Variants in EP400 observed in about 807,000 individuals in gnomAD.
EP400 encodes the protein E1A binding protein p400, also known as E1A-binding protein p400.
Under a neutral mutation model 354.1 loss-of-function variants are expected in EP400, and 105 were observed. The observed-to-expected ratio is 0.30, with a 90% confidence interval of 0.25 to 0.35. The LOEUF is 0.35. Among genes scored for constraint, EP400 ranks in the 10% least tolerant of loss-of-function variants. EP400 has a pLI of 1.00. For missense variants in EP400, 3,280 were observed against 4,121.0 expected (o/e 0.80, Z 5.59); for synonymous variants, 1,646 against 1,716.9 (o/e 0.96, Z 1.02).
intron 1 of EP400, among the ~76,000 whole-genome samples, 196 bp downstream of exon 1, chr12:131,950,232 C>T (rs1891414781): frequency 6.6e-6 from 1 of 152,006 alleles, no homozygotes; most frequent in Non-Finnish European, 1.5e-5. Flanking sequence ...GGCTCACGGG[C>T]CCGGGTCTTT....
At chr12:131,950,239 C>T (rs1224868511) in intron 1 of EP400, among the ~76,000 whole-genome samples, 3 of 151,994 alleles carry the variant, frequency 2.0e-5, no homozygotes, top group East Asian at 3.9e-4. Flanking sequence ...GGGCCCGGGT[C>T]TTTCGAGTCG....
At chr12:132,071,642 G>GT (rs1158070826) in intron 51 of EP400, among the ~76,000 whole-genome samples, 1 of 151,994 alleles carries the variant, frequency 6.6e-6, no homozygotes, top group African/African-American at 2.4e-5. Flanking sequence ...TTTGCCATCC[G>GT]TCCCCCAGGA....
intron 30 of EP400, among the ~76,000 whole-genome samples, chr12:132,036,375 G>A (rs549476171): frequency 1.4e-5 from 2 of 146,140 alleles, no homozygotes; most frequent in Non-Finnish European, 3.0e-5. Context: ...ATCGTGGAAG[G>A]ACACACCCGG....
intron 30 of EP400, among the ~76,000 whole-genome samples, chr12:132,035,261 G>A (rs970331815): frequency 1.3e-5 from 2 of 152,162 alleles, no homozygotes; most frequent in Admixed American, 1.3e-4. Context: ...ACTAGAAAAG[G>A]GGACGTCCTC....
chr12:132,009,221 C>T (rs1310694298), intron 15 of EP400, among the ~76,000 whole-genome samples: 3 of 151,872 alleles, frequency 2.0e-5, no homozygotes, highest in Non-Finnish European at 2.9e-5. Flanking sequence ...CATGAGCCAT[C>T]GTGCCCAGCC....
At chr12:132,006,432 A>G (rs891102284) in intron 14 of EP400, 130 bp downstream of exon 14, 64 of 1,158,362 alleles carry the variant, frequency 5.5e-5, no homozygotes, top group Non-Finnish European at 7.2e-5. Context: ...AGAAAAAGCA[A>G]TTCTTCATGT....
intron 45 of EP400, among the ~76,000 whole-genome samples, chr12:132,059,869 A>T (rs983719520): frequency 3.0e-4 from 46 of 152,046 alleles, no homozygotes; most frequent in Admixed American, 1.0e-3. Context: ...ACAAAAAAAA[A>T]AAAATCAGCC....
In EP400 at chr12:132,066,902, A is replaced by C. The variant is rs1895910700; in HGVS notation, c.8682A>C (p.Gly2894=). Reference sequence around the variant, plus strand: ...CGGCAGCTGTGGTCTCCTCACCGGGAGTCACCACCCTGCCCATGAACGTCG... The same window carrying C: ...CGGCAGCTGTGGTCTCCTCACCGGGCGTCACCACCCTGCCCATGAACGTCG... ...SVPAAVVSSP[G]VTTLPMNVAG... Residue 2894 remains glycine (G), a synonymous_variant, in exon 49 of 53, where the codon GGA becomes GGC. Transcript: ENST00000389561. The C allele has an allele frequency of 6.2e-7, 1 of 1,612,670 alleles. No individual in the cohort carries two copies. The highest frequency in any genetic ancestry group is 1.7e-5 in the Admixed American group (1 of 59,730).
chr12:132,065,009 C>T (rs1895843568), intron 48 of EP400, 123 bp downstream of exon 48: 2 of 1,456,136 alleles, frequency 1.4e-6, no homozygotes, highest in African/African-American at 2.8e-5. Flanking sequence ...GTTCTTTTCC[C>T]CGAGAACTTA....
At position 132,078,000 on chromosome 12, in the gene EP400, T is replaced by G. The variant is rs1896288154; in HGVS notation, c.*327T>G. On this transcript the variant is annotated 3_prime_UTR_variant, in exon 53 of 53. Transcript: ENST00000389561. ...TTCTGAAAGCCATTTAGAATTTCTTTGTGAGCATGTAGTGCTTTGCACGCC... is the reference window on the plus strand; with the variant it reads ...TTCTGAAAGCCATTTAGAATTTCTTGGTGAGCATGTAGTGCTTTGCACGCC... 1 of 302,606 alleles carries G rather than the reference T, an allele frequency of 3.3e-6. No homozygotes were observed. The highest frequency in any genetic ancestry group is 6.2e-6 in the Non-Finnish European group (1 of 161,664). The allele number at this position is 302,606 out of a possible 1,614,324, so 18.7% of individuals were successfully genotyped here. A position where few individuals can be genotyped will look rare whatever the true frequency, so the allele number is the denominator to read the frequency against.
chr12:132,055,470 G>C (rs1205241091), intron 45 of EP400, among the ~76,000 whole-genome samples: 1 of 145,042 alleles, frequency 6.9e-6, no homozygotes, highest in Non-Finnish European at 1.5e-5. Flanking sequence ...GTGTGTGTGT[G>C]TGTGAGGTGT....
chr12:132,030,686 T>G lies in EP400; in HGVS notation c.5754+528T>G, dbSNP rs185047693. Among the ~76,000 whole-genome samples the G allele has an allele frequency of 8.5e-5, 13 of 152,362 alleles. No homozygotes were observed. The South Asian group carries it at 1.2e-3, about 15-fold the overall frequency. Reference sequence around the variant, plus strand: ...TAATTCTGTATTTAGGACCCTTTACTTACATGACAACAAACACACCACTTA... The same window carrying G: ...TAATTCTGTATTTAGGACCCTTTACGTACATGACAACAAACACACCACTTA... On this transcript the variant is annotated intron_variant, in intron 29 of 52. Coordinates refer to ENST00000389561, the MANE Select transcript of EP400 (RefSeq NM_015409.5).
At chr12:132,012,028 C>T (rs1430577876) in intron 16 of EP400, among the ~76,000 whole-genome samples, 1 of 152,216 alleles carries the variant, frequency 6.6e-6, no homozygotes, top group Non-Finnish European at 1.5e-5. Flanking sequence ...ACCATTTCCA[C>T]AACATGCCTA....
At position 131,990,682 on chromosome 12, in the gene EP400, A is replaced by C. The variant is rs753326364; in HGVS notation, c.2597A>C (p.Lys866Thr). 1.1e-4 allele frequency: 179 copies of C among 1,612,832 alleles called. No individual in the cohort carries two copies. The highest frequency in any genetic ancestry group is 1.4e-4 in the Non-Finnish European group (171 of 1,179,440). Residue 866 changes from lysine (K) to threonine (T), a missense_variant, in exon 9 of 53, where the codon AAG (lysine) becomes ACG (threonine). By Grantham distance (78) the Lys-to-Thr change is moderately conservative. Around this residue, in one of 20 missense-constraint regions of EP400, gnomAD observed 800 missense variants for 840.0 expected, o/e 0.95. Transcript: ENST00000389561. This position sits in a 1 kb window ranked among gnomAD's most constrained non-coding sequence, Gnocchi z 4.2. ...LRVELEEKRK[K>T]ALNLQKVSRR... ...GTAGAATTAGAAGAAAAAAGGAAGA[A>C]GGCCTTAAATTTACAGAAAGTTTCC...
rs911264565 is a variant in EP400, at chr12:131,991,728, A to G, written c.2679+272A>G. Among the ~76,000 whole-genome samples the G allele has an allele frequency of 6.6e-4, 100 of 151,252 alleles. 1 individual carries two copies. Among genetic ancestry groups the G allele is most frequent in the African/African-American group, 2.2e-3 (92 of 41,292 alleles). On this transcript the variant is annotated intron_variant, in intron 10 of 52. Coordinates refer to ENST00000389561, the MANE Select transcript of EP400 (RefSeq NM_015409.5). ...CCCGAGTAGCTAGGACTATAGGCGC[A>G]CGCCACCACACCTGGCTAATTTTTT...
chr12:131,968,463 T>C (rs193227841), intron 2 of EP400, among the ~76,000 whole-genome samples: 123 of 152,372 alleles, frequency 8.1e-4, no homozygotes, highest in African/African-American at 1.8e-3. Context: ...CACACTATTG[T>C]GATTACTATA....
In EP400 at chr12:132,053,574, A is replaced by AC; in HGVS notation, c.7706dup (p.Ser2572GlnfsTer10). The AC allele has an allele frequency of 6.4e-7, 1 of 1,563,822 alleles. No individual in the cohort carries two copies. Among genetic ancestry groups the AC allele is most frequent in the Non-Finnish European group, 8.6e-7 (1 of 1,160,920 alleles). On this transcript the variant is annotated frameshift_variant, in exon 43 of 53. Coordinates refer to ENST00000389561, the MANE Select transcript of EP400 (RefSeq NM_015409.5). LOFTEE classifies it high-confidence loss of function. The stretch of plus-strand genomic sequence containing the variant: ...AGCGAAGGCGCAGCCCGCAATCACG[A>AC]CGGGGGGCAGTGCAGCCGTACTGGT...
intron 1 of EP400, among the ~76,000 whole-genome samples, chr12:131,953,183 G>A (rs985465538): frequency 1.3e-5 from 2 of 152,190 alleles, no homozygotes; most frequent in Admixed American, 1.3e-4. Context: ...GTGTACAGCT[G>A]TAGTATTAAA....
In EP400 at chr12:132,075,421, G is replaced by A. The variant is rs138083186; in HGVS notation, c.9022-1095G>A. Among the ~76,000 whole-genome samples the A allele has an allele frequency of 6.0e-4, 91 of 152,250 alleles. No homozygotes were observed. Among genetic ancestry groups the A allele is most frequent in the African/African-American group, 2.1e-3 (88 of 41,550 alleles). ...GTTCCTGACTCTTTGCAGGTTTCTTGGTACATTTAAGATTTCTTGCTAGTG... is the reference window on the plus strand; with the variant it reads ...GTTCCTGACTCTTTGCAGGTTTCTTAGTACATTTAAGATTTCTTGCTAGTG... On this transcript the variant is annotated intron_variant, in intron 51 of 52. Transcript: ENST00000389561. The surrounding 1 kb of genome is among the most constrained non-coding windows in gnomAD (Gnocchi z 4.5).
Sources: gnomAD v4.1 joint callset for allele counts (sites outside exome capture counted in the v4.1 genomes callset) on GRCh38, gnomAD v4.1.1 for gene constraint, gnomAD v4.1.1 regional missense constraint, Gnocchi (gnomAD v3.1) non-coding constraint, MANE v1.5 for transcripts, NCBI Gene and HGNC (gene_info 2026-07-23, HGNC 2026-07-21) for gene names.